The following RABGEF1 variants were observed in gnomAD, a reference collection of about 807,000 sequenced individuals.
RABGEF1 encodes RAB guanine nucleotide exchange factor 1.
Under a neutral mutation model 57.3 loss-of-function variants are expected in RABGEF1, and 26 were observed. The observed-to-expected ratio is 0.45, with a 90% CI of 0.33 to 0.63. The LOEUF (loss-of-function observed/expected upper bound fraction) is 0.63. Ranked by LOEUF, RABGEF1 falls within the 20% of genes least tolerant of loss-of-function variation. The pLI is 0.02. For missense variants in RABGEF1, 464 were observed against 607.6 expected, an observed-to-expected ratio of 0.76 and a Z score of 2.48; for synonymous variants, 185 against 210.7, an observed-to-expected ratio of 0.88 and a Z score of 1.06.
chr7:66,763,494 GTC>G (rs1025898586), intron 1 of RABGEF1, among the ~76,000 whole-genome samples: 5 of 152,118 alleles, frequency 3.3e-5, no homozygotes, highest in African/African-American at 1.2e-4. Context: ...TTCACATTCT[GTC>G]TCTTCTGTTT....
Position 66,784,328 on chromosome 7 carries a change from CT to C in RABGEF1, c.513+490del, listed in dbSNP as rs1482540913. On this transcript the variant is annotated intron_variant, in intron 4 of 8. Coordinates refer to ENST00000284957, the MANE Select transcript of RABGEF1 (RefSeq NM_014504.3). Reference sequence around the variant, plus strand: ...TTTAGCAACTATGGAGTTTCAGTCCCTTTATTTTATAGATGAGGAAGTTGAG... The same window carrying C: ...TTTAGCAACTATGGAGTTTCAGTCCCTTATTTTATAGATGAGGAAGTTGAG... Among the ~76,000 whole-genome samples, 5 of 152,288 alleles carry C rather than the reference CT, an allele frequency of 3.3e-5. No homozygotes were observed. The East Asian group carries it at 7.7e-4, about 23-fold the overall frequency.
chr7:66,684,368 C>T (rs1790267209), intron 1 of RABGEF1, among the ~76,000 whole-genome samples: 1 of 152,136 alleles, frequency 6.6e-6, no homozygotes, highest in Non-Finnish European at 1.5e-5. Context: ...TACTTGAACC[C>T]AGGAGGCGGA....
At chr7:66,777,203 T>C (rs1808763773) in intron 3 of RABGEF1, among the ~76,000 whole-genome samples, 1 of 152,326 alleles carries the variant, frequency 6.6e-6, no homozygotes, top group South Asian at 2.1e-4. Context: ...CTTGATGATA[T>C]GTAGTGAAAT....
chr7:66,772,968 C>T (rs1377033496), intron 2 of RABGEF1, among the ~76,000 whole-genome samples: 1 of 151,522 alleles, frequency 6.6e-6, no homozygotes. Context: ...AGCATAGGAA[C>T]TAATAAAATG....
chr7:66,701,473 T>G (rs1793247935), intron 1 of RABGEF1, among the ~76,000 whole-genome samples: 1 of 148,286 alleles, frequency 6.7e-6, no homozygotes, highest in South Asian at 2.1e-4. Flanking sequence ...CACTCCAGCC[T>G]GGAGGACAGA....
chr7:66,738,677 C>T (rs944810065), upstream of RABGEF1, among the ~76,000 whole-genome samples: 11 of 149,208 alleles, frequency 7.4e-5, no homozygotes, highest in East Asian at 6.0e-4. Flanking sequence ...GGCTGGAGTG[C>T]GCCGAGATTG....
At chr7:66,762,724 G>A (rs1208091821) in intron 1 of RABGEF1, among the ~76,000 whole-genome samples, 1 of 152,014 alleles carries the variant, frequency 6.6e-6, no homozygotes, top group Non-Finnish European at 1.5e-5. Flanking sequence ...TGCCACCCCC[G>A]TCCCCCAAAA....
At chr7:66,730,260 C>T (rs1335712053) in intron 2 of RABGEF1, among the ~76,000 whole-genome samples, 3 of 152,238 alleles carry the variant, frequency 2.0e-5, no homozygotes, top group Non-Finnish European at 4.4e-5. Flanking sequence ...CAGCCTCCAC[C>T]TCTCAGCAGC....
At chr7:66,743,661 C>T (rs1333125644) in intron 1 of RABGEF1, among the ~76,000 whole-genome samples, 1 of 152,164 alleles carries the variant, frequency 6.6e-6, no homozygotes, top group Non-Finnish European at 1.5e-5. Context: ...GCCACCATGC[C>T]TGGCTAATTT....
rs1789396866 is a variant in RABGEF1 at position 66,811,157 on chromosome 7, G to T, written c.*1873G>T. ...AGTTCGTTTAGTTACTGTACACTCT[G>T]TTTGTTCAATAAACTGCATATCAAC... On this transcript the variant is annotated 3_prime_UTR_variant, in exon 9 of 9. Coordinates refer to ENST00000284957, the MANE Select transcript of RABGEF1 (RefSeq NM_014504.3). The T allele has an allele frequency of 6.6e-6, 1 of 151,398 alleles. No individual in the cohort carries two copies. The highest frequency in any genetic ancestry group is 6.6e-5 in the Admixed American group (1 of 15,212). The allele number at this position is 151,398 out of a possible 1,614,324, so 9.4% of individuals were successfully genotyped here.
chr7:66,758,829 C>T (rs1425548034), intron 1 of RABGEF1, among the ~76,000 whole-genome samples: 1 of 152,186 alleles, frequency 6.6e-6, no homozygotes, highest in Non-Finnish European at 1.5e-5. Context: ...AACTGGTACA[C>T]ATTAGTCCCA....
intron 1 of RABGEF1, among the ~76,000 whole-genome samples, chr7:66,687,012 G>A (rs1461890074): frequency 7.3e-5 from 11 of 150,276 alleles, no homozygotes; most frequent in African/African-American, 1.7e-4. Context: ...TAGTAGAGAC[G>A]GGGTTTCACT....
chr7:66,743,013 A>T, intron 1 of RABGEF1, among the ~76,000 whole-genome samples: 1 of 152,168 alleles, frequency 6.6e-6, no homozygotes, highest in East Asian at 1.9e-4. Flanking sequence ...TTGTGTGGTT[A>T]AAATGGGTCT....
In RABGEF1 at chr7:66,795,625, A is replaced by T. The variant is rs753448538; in HGVS notation, c.595+33A>T. On this transcript the variant is annotated intron_variant, in intron 5 of 8. Transcript: ENST00000284957. ...TGTTAGCCATTGAGAGATTGCGGGT[A>T]TTGCACAGGGATGACTGCTCAGTCT... 7 of 1,536,518 alleles carry T rather than the reference A, an allele frequency of 4.6e-6. No homozygotes were observed. In the East Asian group the frequency reaches 1.6e-4, roughly 35 times the overall value.
intron 1 of RABGEF1, among the ~76,000 whole-genome samples, chr7:66,765,205 A>G (rs1489341517): frequency 1.3e-5 from 2 of 151,136 alleles, no homozygotes; most frequent in South Asian, 2.1e-4. Flanking sequence ...GAGTTTCAGA[A>G]ATATTACATA....
At chr7:66,671,781 C>T in the RABGEF1 span, among the ~76,000 whole-genome samples, 1 of 150,384 alleles carries the variant, frequency 6.6e-6, no homozygotes, top group South Asian at 2.1e-4. Flanking sequence ...ATGATCCTAC[C>T]ACTGTGCTCC....
At chr7:66,758,698 T>TTC (rs1177374031) in intron 1 of RABGEF1, among the ~76,000 whole-genome samples, 2 of 151,768 alleles carry the variant, frequency 1.3e-5, no homozygotes, top group South Asian at 2.1e-4. Flanking sequence ...CTCTCCTGCC[T>TTC]TCTACCGTAA....
intron 1 of RABGEF1, among the ~76,000 whole-genome samples, chr7:66,744,676 A>G (rs1799800406): frequency 1.3e-5 from 2 of 151,418 alleles, no homozygotes; most frequent in African/African-American, 4.9e-5. Flanking sequence ...TCAAAAAAAA[A>G]AAAAAAAAAA....
At chr7:66,681,935 C>T (rs867703609), upstream of RABGEF1, among the ~76,000 whole-genome samples, 51 of 152,300 alleles carry the variant, frequency 3.3e-4, no homozygotes, top group African/African-American at 1.2e-3. Context: ...CCGGGGCTCC[C>T]CAGCGCCCCA....
Sources: gnomAD v4.1 joint callset for allele counts (sites outside exome capture counted in the v4.1 genomes callset) on GRCh38, gnomAD v4.1.1 for gene constraint, MANE v1.5 for transcripts, NCBI Gene and HGNC (gene_info 2026-07-23, HGNC 2026-07-21) for gene names.